BTD: variants seen among roughly 807,000 people sequenced by gnomAD.
BTD encodes the protein biotinidase, also known as biocytinase.
In BTD, 13 loss-of-function variants were observed where a neutral mutation model predicts 17.7. The observed-to-expected ratio is 0.74, with a 90% CI of 0.48 to 1.17. The LOEUF (loss-of-function observed/expected upper bound fraction) is 1.17. Ranked by LOEUF, BTD falls within the 50% of genes most tolerant of loss-of-function variation. The pLI is 0.00. For synonymous variants in BTD, 240 were observed against 245.2 expected (o/e 0.98, Z 0.20); for missense variants, 674 against 650.4 (o/e 1.04, Z -0.39).
At position 15,691,654 on chromosome 3, in the gene BTD, T is replaced by C. The variant is rs117451413; in HGVS notation, c.400-18406T>C. Among the ~76,000 whole-genome samples the C allele has an allele frequency of 3.0e-4, 46 of 152,342 alleles. No homozygotes were observed. The East Asian group carries it at 5.2e-3, about 17-fold the overall frequency. The stretch of plus-strand genomic sequence containing the variant: ...CTCACTGATCTCTTTATAATGAATC[T>C]GTGTAGAAACTTGACTACTTAAGCT... On this transcript the variant is annotated intron_variant, in intron 3 of 3. Transcript: ENST00000672141.
At chr3:15,617,724 A>AAAAT (rs992533720) in intron 1 of BTD, among the ~76,000 whole-genome samples, 3 of 152,336 alleles carry the variant, frequency 2.0e-5, no homozygotes, top group South Asian at 4.1e-4. Context: ...CCTCATTTGT[A>AAAAT]AAATAAATAA....
intron 3 of BTD, among the ~76,000 whole-genome samples, chr3:15,695,889 T>G (rs945962993): frequency 2.0e-5 from 3 of 152,058 alleles, no homozygotes; most frequent in African/African-American, 7.2e-5. Context: ...GAGAAGTAAA[T>G]AGTGTAGACA....
chr3:15,717,062 T>C (rs928107251), downstream of BTD, among the ~76,000 whole-genome samples: 1 of 152,240 alleles, frequency 6.6e-6, no homozygotes, highest in Non-Finnish European at 1.5e-5. Context: ...TCTTGTTTTA[T>C]AGATGAGGAA....
Position 15,651,217 on chromosome 3 carries a change from G to A in BTD, c.*5729G>A, listed in dbSNP as rs11918810. Reference sequence around the variant, plus strand: ...ACTGGGACAGCGTTACCAGGGGAAGGGGAGTGGGATATAGTTGGGCCAAAA... The same window carrying A: ...ACTGGGACAGCGTTACCAGGGGAAGAGGAGTGGGATATAGTTGGGCCAAAA... On this transcript the variant is annotated 3_prime_UTR_variant, in exon 4 of 4. Transcript: ENST00000643237. Among the ~76,000 whole-genome samples the A allele has an allele frequency of 0.037, 5,704 of 152,312 alleles. 281 individuals are homozygous for A. The highest frequency in any genetic ancestry group is 0.11 in the African/African-American group (4,747 of 41,558).
At chr3:15,619,920 G>C (rs1394128240) in intron 1 of BTD, among the ~76,000 whole-genome samples, 1 of 152,148 alleles carries the variant, frequency 6.6e-6, no homozygotes, top group Non-Finnish European at 1.5e-5. Flanking sequence ...AAAAGGGGAG[G>C]GAGTGTAAGA....
chr3:15,640,508 A>G (rs2065468077), intron 2 of BTD, among the ~76,000 whole-genome samples: 1 of 151,558 alleles, frequency 6.6e-6, no homozygotes, highest in Non-Finnish European at 1.5e-5. Context: ...CTCCAGCCTC[A>G]GCCTCCTGAG....
chr3:15,658,241 C>A (rs1176132542), downstream of BTD, among the ~76,000 whole-genome samples: 2 of 151,828 alleles, frequency 1.3e-5, no homozygotes, highest in Non-Finnish European at 2.9e-5. Context: ...ATACAAGTTA[C>A]ACTGGTGCTC....
At position 15,683,450 on chromosome 3, in the gene BTD, G is replaced by A. The variant is rs192773880; in HGVS notation, c.400-26610G>A. 4.6e-5 allele frequency among the ~76,000 whole-genome samples: 7 copies of A among 152,260 alleles called. No individual in the cohort carries two copies. In the East Asian group the frequency reaches 9.6e-4, roughly 21 times the overall value. ...TACACTCATTTCTACTTGCCTTAGC[G>A]AGTAGAAATGGGAAAAAGAGAAGTT... On this transcript the variant is annotated intron_variant, in intron 3 of 3. Coordinates refer to the BTD transcript ENST00000672141.
intron 4 of BTD, chr3:15,720,934 C>T (rs889655620): frequency 6.2e-7 from 1 of 1,613,492 alleles, no homozygotes; most frequent in Non-Finnish European, 8.5e-7. Flanking sequence ...GACATCGGCC[C>T]CATTGCCAAC....
intron 3 of BTD, among the ~76,000 whole-genome samples, chr3:15,699,956 T>C (rs1198008182): frequency 2.6e-5 from 4 of 152,198 alleles, no homozygotes. Context: ...TGCGGCACTA[T>C]TTGCAATAGC....
intron 3 of BTD, among the ~76,000 whole-genome samples, chr3:15,691,715 G>A (rs2068827371): frequency 6.6e-6 from 1 of 152,126 alleles, no homozygotes; most frequent in Admixed American, 6.5e-5. Flanking sequence ...TGTAGGTCAC[G>A]GAATTCTACT....
At chr3:15,627,967 C>A (rs528099583) in intron 1 of BTD, among the ~76,000 whole-genome samples, 1 of 152,338 alleles carries the variant, frequency 6.6e-6, no homozygotes, top group African/African-American at 2.4e-5. Context: ...GGTGATCTAC[C>A]CACCTTGGCC....
chr3:15,644,321 C>G lies in BTD; in HGVS notation c.405C>G (p.Leu135=), dbSNP rs747277258. 3 of 1,613,712 alleles carry G rather than the reference C, an allele frequency of 1.9e-6. No homozygotes were observed. Among genetic ancestry groups the G allele is most frequent in the Non-Finnish European group, 2.5e-6 (3 of 1,179,866 alleles). The change falls in exon 4 of 4, where the codon CTC becomes CTG. Residue 135 remains leucine, a synonymous_variant. Transcript: ENST00000643237. Reference sequence around the variant, plus strand: ...TACACCTTTTTTTCCTCTAGGTGCTCCAGCGCCTGAGTTGTATGGCCATCA... The same window carrying G: ...TACACCTTTTTTTCCTCTAGGTGCTGCAGCGCCTGAGTTGTATGGCCATCA... The part of the protein sequence containing the change: ...EPHRFNDTEV[L]QRLSCMAIRG...
rs1387695724 is a variant in BTD at position 15,601,977 on chromosome 3, T to C, written c.-17+83T>C. ...CCCCGCCCCGGGCGCCCAGTTGGACTTGGGGAGGGCTGCGCAAAGGCTGCC... is the reference window on the plus strand; with the variant it reads ...CCCCGCCCCGGGCGCCCAGTTGGACCTGGGGAGGGCTGCGCAAAGGCTGCC... On this transcript the variant is annotated intron_variant, in intron 1 of 3. Transcript: ENST00000643237. 2.5e-6 allele frequency: 4 copies of C among 1,582,668 alleles called. 1 individual carries two copies. Among genetic ancestry groups the C allele is most frequent in the Non-Finnish European group, 3.4e-6 (4 of 1,161,954 alleles).
rs575787457 is a variant in BTD, at chr3:15,641,978, C to T, written c.320C>T (p.Pro107Leu). 2.9e-5 allele frequency: 47 copies of T among 1,613,966 alleles called. No individual in the cohort carries two copies. The highest frequency in any genetic ancestry group is 3.9e-5 in the Non-Finnish European group (46 of 1,180,018). ...GFNFTRTSIY[P>L]FLDFMPSPQV... Reference sequence around the variant, plus strand: ...AACTTTACAAGAACATCCATTTATCCATTTTTGGACTTCATGCCGTCTCCC... The same window carrying T: ...AACTTTACAAGAACATCCATTTATCTATTTTTGGACTTCATGCCGTCTCCC... Residue 107 changes from proline (P) to leucine (L), a missense_variant, in exon 3 of 4, where the codon CCA (proline) becomes CTA (leucine). By Grantham distance (98) the Pro-to-Leu change is moderately conservative (BLOSUM62 -3). Coordinates refer to ENST00000643237, the MANE Select transcript of BTD (RefSeq NM_001370658.1).
intron 1 of BTD, among the ~76,000 whole-genome samples, chr3:15,620,703 A>C (rs1204160721): frequency 6.6e-6 from 1 of 152,234 alleles, no homozygotes; most frequent in Non-Finnish European, 1.5e-5. Context: ...TTATTTGAGA[A>C]CTGATAAATG....
In BTD at chr3:15,635,906, T is replaced by C. The variant is rs1339970744; in HGVS notation, c.249+218T>C. The stretch of plus-strand genomic sequence containing the variant: ...CTGGGAGCTTGTTAGAAATACAAAA[T>C]CTTGGGCGGCACCCCAGACCTACTG... On this transcript the variant is annotated intron_variant, in intron 2 of 3. Coordinates refer to ENST00000643237, the MANE Select transcript of BTD (RefSeq NM_001370658.1). The surrounding 1 kb of genome is among the most constrained non-coding windows in gnomAD (Gnocchi z 4.1). 6.6e-6 allele frequency among the ~76,000 whole-genome samples: 1 copy of C among 152,078 alleles called. No individual in the cohort carries two copies. The highest frequency in any genetic ancestry group is 1.5e-5 in the Non-Finnish European group (1 of 67,998).
At chr3:15,697,649 T>C (rs949733693) in intron 3 of BTD, among the ~76,000 whole-genome samples, 2 of 152,174 alleles carry the variant, frequency 1.3e-5, no homozygotes, top group South Asian at 2.1e-4. Flanking sequence ...TGGATTCAGT[T>C]TGCCAGTATT....
chr3:15,645,610 CA>C lies in BTD; in HGVS notation c.*123del. ...GGGCAGGAGCCCACTTCTGTGGCAC[CA>C]GATTCCACCCTGGGAACTGTGGAAA... On this transcript the variant is annotated 3_prime_UTR_variant, in exon 4 of 4. Transcript: ENST00000643237. 8.9e-7 allele frequency: 1 copy of C among 1,120,364 alleles called. No individual in the cohort carries two copies. Among genetic ancestry groups the C allele is most frequent in the Non-Finnish European group, 1.3e-6 (1 of 788,214 alleles). 69.4% of individuals were successfully genotyped at this position (1,120,364 alleles called of 1,614,324 possible).
Sources: gnomAD v4.1 joint callset for allele counts (sites outside exome capture counted in the v4.1 genomes callset) on GRCh38, gnomAD v4.1.1 for gene constraint, Gnocchi (gnomAD v3.1) non-coding constraint, MANE v1.5 for transcripts, NCBI Gene and HGNC (gene_info 2026-07-23, HGNC 2026-07-21) for gene names.